Variants in CSMD1 observed in about 807,000 individuals in gnomAD.
The protein encoded by CSMD1 is CUB and Sushi multiple domains 1, also known as CUB and sushi domain-containing protein 1.
Under a neutral mutation model 417.5 loss-of-function variants are expected in CSMD1, and 213 were observed. That is an observed-to-expected ratio of 0.51 (90% confidence interval 0.46 to 0.57). The LOEUF (loss-of-function observed/expected upper bound fraction) is 0.57, where lower values mean the gene tolerates loss of function less well. CSMD1 is among the 20% of genes least tolerant of loss of function. The pLI is 0.00. For synonymous variants in CSMD1, 2,862 were observed against 1,736.8 expected (o/e 1.65, Z -16.11); for missense variants, 6,923 against 4,529.7 (o/e 1.53, Z -15.17).
intron 12 of CSMD1, among the ~76,000 whole-genome samples, chr8:3,430,570 G>A (rs1333450722): frequency 3.3e-5 from 5 of 152,204 alleles, no homozygotes; most frequent in Non-Finnish European, 5.9e-5. Flanking sequence ...ACCTTGGGAA[G>A]CTGAAGCGGG....
At chr8:3,036,401 C>T (rs1205025294) in intron 50 of CSMD1, among the ~76,000 whole-genome samples, 5 of 152,150 alleles carry the variant, frequency 3.3e-5, no homozygotes, top group Non-Finnish European at 7.3e-5. Flanking sequence ...TGTTTCTTAA[C>T]AGAGAAGTCT....
At chr8:3,784,803 T>C (rs1049473134) in intron 5 of CSMD1, among the ~76,000 whole-genome samples, 14 of 152,208 alleles carry the variant, frequency 9.2e-5, no homozygotes, top group African/African-American at 3.1e-4. Flanking sequence ...ATGTTGCATA[T>C]CACAATTGCT....
chr8:3,354,875 A>ATATCTATAGATATGTCTATCCATAGATC (rs1808649265), intron 21 of CSMD1, among the ~76,000 whole-genome samples: 2 of 71,522 alleles, frequency 2.8e-5, no homozygotes, highest in African/African-American at 7.1e-5. Flanking sequence ...AGATATACAT[A>ATATCTATAGATATGTCTATCCATAGATC]TATCTATAGA....
intron 7 of CSMD1, among the ~76,000 whole-genome samples, chr8:3,675,563 T>G (rs945076820): frequency 6.6e-6 from 1 of 151,992 alleles, no homozygotes; most frequent in African/African-American, 2.4e-5. Context: ...AGGAAGTGAT[T>G]TGGTTTACAT....
At chr8:3,820,019 C>G (rs77153491) in intron 5 of CSMD1, among the ~76,000 whole-genome samples, 6,466 of 152,264 alleles carry the variant, frequency 0.042, 194 homozygotes, top group South Asian at 0.063. Context: ...TTGAACATCA[C>G]AGTCATCTTC....
intron 3 of CSMD1, among the ~76,000 whole-genome samples, chr8:4,290,003 G>A (rs900758656): frequency 2.0e-5 from 3 of 152,180 alleles, no homozygotes; most frequent in Non-Finnish European, 2.9e-5. Flanking sequence ...AATGTGTTAT[G>A]TGCTAAGCAC....
At chr8:4,320,429 G>C (rs1238952829) in intron 3 of CSMD1, among the ~76,000 whole-genome samples, 1 of 152,068 alleles carries the variant, frequency 6.6e-6, no homozygotes, top group East Asian at 1.9e-4. Context: ...GACATAGGTA[G>C]ACACGTGCCA....
At chr8:4,128,754 G>T (rs928069805) in intron 3 of CSMD1, among the ~76,000 whole-genome samples, 2 of 151,884 alleles carry the variant, frequency 1.3e-5, no homozygotes, top group African/African-American at 4.8e-5. Flanking sequence ...ACACACCACA[G>T]CCTCACACCC....
intron 1 of CSMD1, among the ~76,000 whole-genome samples, chr8:4,660,676 G>C (rs922939344): frequency 3.5e-5 from 4 of 113,806 alleles, no homozygotes; most frequent in Non-Finnish European, 7.0e-5. Flanking sequence ...CCTGTAAAGG[G>C]AATGAAAAGA....
At chr8:4,207,980 A>G (rs756575372) in intron 3 of CSMD1, among the ~76,000 whole-genome samples, 1 of 152,148 alleles carries the variant, frequency 6.6e-6, no homozygotes, top group African/African-American at 2.4e-5. Context: ...TATAGCATGA[A>G]ATAGTTAAGC....
chr8:2,961,251 G>C, intron 61 of CSMD1, 37 bp from the exon 62 acceptor site: 1 of 1,335,250 alleles, frequency 7.5e-7, no homozygotes. Context: ...GAGGGCACCA[G>C]ATATAGTTAT....
In CSMD1 at chr8:4,944,969, G is replaced by C. The variant is rs77845628; in HGVS notation, c.85+49363C>G. On this transcript the variant is annotated intron_variant, in intron 1 of 69. Coordinates refer to ENST00000635120, the MANE Select transcript of CSMD1 (RefSeq NM_033225.6). ...TTTGCATGTCCACGTGTGTATCAGA[G>C]CTATTCAAAACAGACGAGAGGTGGA... 3.4e-3 allele frequency among the ~76,000 whole-genome samples: 518 copies of C among 152,254 alleles called. 16 individuals carry two copies. The East Asian group carries it at 0.083, about 24-fold the overall frequency.
chr8:4,168,134 T>TA (rs199676284), intron 3 of CSMD1, among the ~76,000 whole-genome samples: 26 of 109,912 alleles, frequency 2.4e-4, no homozygotes, highest in South Asian at 1.6e-3. Flanking sequence ...GTCTCAAAAA[T>TA]AAAAAAAAAT....
chr8:3,772,480 C>CATTT (rs1304375973), intron 5 of CSMD1, among the ~76,000 whole-genome samples: 358 of 27,768 alleles, frequency 0.013, 61 homozygotes, highest in South Asian at 0.015. Context: ...CATATATATA[C>CATTT]ATATATACAC....
At chr8:4,155,417 T>TGC (rs1796782692) in intron 3 of CSMD1, among the ~76,000 whole-genome samples, 1 of 152,184 alleles carries the variant, frequency 6.6e-6, no homozygotes, top group Admixed American at 6.5e-5. Flanking sequence ...AATCAGAACT[T>TGC]GCCTCTGTTT....
intron 3 of CSMD1, among the ~76,000 whole-genome samples, chr8:4,037,484 T>A (rs904771681): frequency 6.6e-6 from 1 of 152,190 alleles, no homozygotes; most frequent in East Asian, 1.9e-4. Context: ...TCTCTACAGA[T>A]TTTTTTCTTT....
intron 5 of CSMD1, among the ~76,000 whole-genome samples, chr8:3,824,433 C>G (rs531877890): frequency 6.6e-6 from 1 of 152,128 alleles, no homozygotes; most frequent in African/African-American, 2.4e-5. Flanking sequence ...CATTACAATC[C>G]TGTGTAACTT....
At chr8:3,949,308 C>T (rs1337902760) in intron 5 of CSMD1, among the ~76,000 whole-genome samples, 1 of 152,106 alleles carries the variant, frequency 6.6e-6, no homozygotes, top group East Asian at 1.9e-4. Flanking sequence ...CTTTCTCATC[C>T]TGTCTCACTG....
intron 3 of CSMD1, among the ~76,000 whole-genome samples, chr8:4,407,951 A>G (rs951106443): frequency 6.6e-5 from 10 of 152,142 alleles, no homozygotes; most frequent in African/African-American, 2.2e-4. Flanking sequence ...AAAATCTCCC[A>G]TTTGTTATCC....
Sources: allele counts gnomAD v4.1 joint callset (sites outside exome capture counted in the v4.1 genomes callset), GRCh38; gene constraint gnomAD v4.1.1; transcripts MANE v1.5; gene names NCBI Gene and HGNC (gene_info 2026-07-23, HGNC 2026-07-21).